ADK: variants seen among roughly 807,000 people sequenced by gnomAD.
ADK encodes the protein adenosine kinase.
A neutral mutation model predicts 44.7 loss-of-function variants in ADK; 24 were observed. The observed-to-expected ratio is 0.54, with a 90% CI of 0.39 to 0.76. The LOEUF is 0.76. ADK is among the 30% of genes least tolerant of loss of function. The probability of loss-of-function intolerance (pLI) is 0.00; values close to 1 mark genes in which losing one functional copy is unlikely to be tolerated. For missense variants in ADK, 321 were observed against 425.1 expected (o/e 0.76, Z 2.15); for synonymous variants, 128 against 142.6 (o/e 0.90, Z 0.73).
At chr10:74,688,389 C>G (rs983338525) in intron 10 of ADK, among the ~76,000 whole-genome samples, 10 of 152,098 alleles carry the variant, frequency 6.6e-5, no homozygotes, top group Non-Finnish European at 1.3e-4. Context: ...CAGCGTATCC[C>G]CGGGACCCAG....
intron 4 of ADK, among the ~76,000 whole-genome samples, chr10:74,373,509 C>T (rs1055353411): frequency 6.6e-6 from 1 of 152,054 alleles, no homozygotes; most frequent in Non-Finnish European, 1.5e-5. Context: ...GGCAGAATAT[C>T]TGAGTAGGCA....
At chr10:74,364,015 C>G (rs1185694843) in intron 4 of ADK, among the ~76,000 whole-genome samples, 1 of 152,180 alleles carries the variant, frequency 6.6e-6, no homozygotes, top group Non-Finnish European at 1.5e-5. Flanking sequence ...GACTCAGAGA[C>G]ACACCCACAG....
At chr10:74,357,932 T>C (rs1319426215) in intron 4 of ADK, among the ~76,000 whole-genome samples, 1 of 152,144 alleles carries the variant, frequency 6.6e-6, no homozygotes, top group Non-Finnish European at 1.5e-5. Context: ...TATTTCAGAA[T>C]ATATTGAAAA....
intron 9 of ADK, among the ~76,000 whole-genome samples, chr10:74,645,210 T>C (rs1854012707): frequency 6.6e-6 from 1 of 152,212 alleles, no homozygotes; most frequent in Non-Finnish European, 1.5e-5. Context: ...GCCCATAAAT[T>C]CTAAACTCAA....
intron 6 of ADK, among the ~76,000 whole-genome samples, chr10:74,468,961 G>A (rs1161103795): frequency 1.3e-5 from 2 of 151,724 alleles, no homozygotes; most frequent in Non-Finnish European, 2.9e-5. Flanking sequence ...GTGTGTGTAT[G>A]TGCATGTGTG....
At chr10:74,395,814 T>C (rs142576375) in intron 5 of ADK, among the ~76,000 whole-genome samples, 59 of 152,114 alleles carry the variant, frequency 3.9e-4, no homozygotes, top group African/African-American at 1.4e-3. Context: ...AGGTCAGGAG[T>C]TCGAGACCAG....
chr10:74,418,928 A>T (rs937291293), intron 6 of ADK, among the ~76,000 whole-genome samples: 1 of 152,204 alleles, frequency 6.6e-6, no homozygotes, highest in African/African-American at 2.4e-5. Context: ...GATTGTTTGC[A>T]TGGACTCTAC....
At chr10:74,536,603 T>C (rs1055474814) in intron 7 of ADK, among the ~76,000 whole-genome samples, 1 of 151,494 alleles carries the variant, frequency 6.6e-6, no homozygotes, top group Non-Finnish European at 1.5e-5. Context: ...TCCAGAACTT[T>C]TTTTTTTTTT....
chr10:74,294,852 A>G (rs1293174893), intron 3 of ADK, among the ~76,000 whole-genome samples: 1 of 151,798 alleles, frequency 6.6e-6, no homozygotes, highest in East Asian at 1.9e-4. Flanking sequence ...AATATTTTAT[A>G]TTTATTTATG....
chr10:74,702,108 G>A (rs937152198), intron 10 of ADK, among the ~76,000 whole-genome samples: 1 of 152,100 alleles, frequency 6.6e-6, no homozygotes, highest in African/African-American at 2.4e-5. Flanking sequence ...CACAGTATGA[G>A]TTGCTTCAGT....
chr10:74,673,511 G>A (rs9299518), intron 10 of ADK, among the ~76,000 whole-genome samples: 122,424 of 152,154 alleles, frequency 0.8, 49,605 homozygotes, highest in African/African-American at 0.89. Context: ...TGGGCTGAGC[G>A]CTTTTGGGCA....
At chr10:74,396,355 G>T (rs1232672965) in intron 5 of ADK, among the ~76,000 whole-genome samples, 1 of 152,024 alleles carries the variant, frequency 6.6e-6, no homozygotes, top group African/African-American at 2.4e-5. Context: ...CCAACATGGC[G>T]AAACTCCATC....
At chr10:74,573,035 G>A (rs1424474913) in intron 7 of ADK, among the ~76,000 whole-genome samples, 9 of 152,122 alleles carry the variant, frequency 5.9e-5, no homozygotes, top group Non-Finnish European at 1.3e-4. Context: ...GCTTTGTTCC[G>A]TTGCTGCTGA....
rs934411786 is a variant in ADK, at chr10:74,621,808, A to G, written c.877+21315A>G. Among the ~76,000 whole-genome samples the G allele has an allele frequency of 2.6e-5, 4 of 152,144 alleles. No homozygotes were observed. In the South Asian group the frequency reaches 8.3e-4, roughly 32 times the overall value. ...GCTTCTGTTAGTGTAGAGTCCAATT[A>G]GATCTAGGACTAAGCCACCTCAAGG... On this transcript the variant is annotated intron_variant, in intron 9 of 10. Coordinates refer to ENST00000539909, the MANE Select transcript of ADK (RefSeq NM_006721.4).
chr10:74,618,628 C>G (rs1207125761), intron 9 of ADK, among the ~76,000 whole-genome samples: 1 of 152,012 alleles, frequency 6.6e-6, no homozygotes, highest in Admixed American at 6.6e-5. Context: ...TTTCCTTTTG[C>G]CTTTCAATGT....
At chr10:74,264,052 C>T (rs941250926) in intron 3 of ADK, among the ~76,000 whole-genome samples, 1 of 152,150 alleles carries the variant, frequency 6.6e-6, no homozygotes, top group Admixed American at 6.5e-5. Context: ...AACTCAGTTC[C>T]TCAGTTACAC....
chr10:74,313,423 T>G (rs1840513846), intron 3 of ADK, among the ~76,000 whole-genome samples: 1 of 152,106 alleles, frequency 6.6e-6, no homozygotes, highest in South Asian at 2.1e-4. Context: ...CCTGATAATT[T>G]GAGTACATAT....
chr10:74,409,425 G>A (rs777664136), intron 6 of ADK, among the ~76,000 whole-genome samples: 13 of 152,158 alleles, frequency 8.5e-5, no homozygotes, highest in Non-Finnish European at 1.6e-4. Flanking sequence ...CTGTTTCATG[G>A]ATTAGAAATT....
rs200850381 is a variant in ADK at position 74,195,699 on chromosome 10, TTTTC to T, written c.66-5057_66-5054del. ...TTCTTTCTTTCTTTCTTTCTTTTTCTTTTCTTTCTTTTTTTTTTTTTTTTTTTTG... is the reference window on the plus strand; with the variant it reads ...TTCTTTCTTTCTTTCTTTCTTTTTCTTTTCTTTTTTTTTTTTTTTTTTTTG... On this transcript the variant is annotated intron_variant, in intron 1 of 10. Transcript: ENST00000539909. 4.6e-3 allele frequency among the ~76,000 whole-genome samples: 504 copies of T among 110,606 alleles called. 10 individuals are homozygous for T. The highest frequency in any genetic ancestry group is 0.014 in the African/African-American group (383 of 27,754). 72.6% of individuals were successfully genotyped at this position (110,606 alleles called of 152,430 possible). A position where few individuals can be genotyped will look rare whatever the true frequency, so the allele number is the denominator to read the frequency against.
Sources: gnomAD v4.1 joint callset for allele counts (sites outside exome capture counted in the v4.1 genomes callset) on GRCh38, gnomAD v4.1.1 for gene constraint, MANE v1.5 for transcripts, NCBI Gene and HGNC (gene_info 2026-07-23, HGNC 2026-07-21) for gene names.